Variants in PVT1 observed in about 807,000 individuals in gnomAD.
The protein encoded by PVT1 is CXCR4/PVT1 fusion.
intron 2 of PVT1, among the ~76,000 whole-genome samples, chr8:127,884,826 C>T (rs1248912820): frequency 6.6e-6 from 1 of 152,192 alleles, no homozygotes; most frequent in Non-Finnish European, 1.5e-5. Context: ...GTGCAGCCAC[C>T]TTCTTGTGAG....
chr8:127,945,962 G>C (rs2129916143), intron 3 of PVT1, among the ~76,000 whole-genome samples: 1 of 152,298 alleles, frequency 6.6e-6, no homozygotes, highest in African/African-American at 2.4e-5. Flanking sequence ...AAGGACTAAA[G>C]CTACCAGCCT....
intron 3 of PVT1, among the ~76,000 whole-genome samples, chr8:127,972,858 G>A (rs1398033885): frequency 6.6e-6 from 1 of 152,158 alleles, no homozygotes; most frequent in Non-Finnish European, 1.5e-5. Flanking sequence ...GCTCCCAGGT[G>A]ATCCTAATGT....
chr8:127,878,384 C>T (rs752335026), intron 2 of PVT1, among the ~76,000 whole-genome samples: 1 of 152,182 alleles, frequency 6.6e-6, no homozygotes, highest in Non-Finnish European at 1.5e-5. Flanking sequence ...TCTAGCCTTC[C>T]CCCAACTCTG....
At chr8:127,948,938 C>A (rs569751549) in intron 3 of PVT1, among the ~76,000 whole-genome samples, 8 of 152,340 alleles carry the variant, frequency 5.3e-5, no homozygotes, top group Non-Finnish European at 7.3e-5. Flanking sequence ...AAAAAGAAGC[C>A]TGAGAATTTC....
chr8:127,930,643 C>A (rs1302870749), intron 3 of PVT1, among the ~76,000 whole-genome samples: 1 of 152,040 alleles, frequency 6.6e-6, no homozygotes, highest in Non-Finnish European at 1.5e-5. Context: ...AATGTAGGGG[C>A]CCCAGCAGGG....
intron 5 of PVT1, among the ~76,000 whole-genome samples, chr8:128,086,353 G>A (rs960685792): frequency 2.0e-5 from 3 of 152,138 alleles, no homozygotes; most frequent in African/African-American, 7.2e-5. Flanking sequence ...GACGTTAAGT[G>A]TTCACATGGA....
chr8:127,993,302 G>A (rs946714510), intron 4 of PVT1, among the ~76,000 whole-genome samples: 6 of 152,340 alleles, frequency 3.9e-5, no homozygotes, highest in Admixed American at 2.6e-4. Context: ...CGTGATGTCT[G>A]CAATGCACTA....
chr8:128,039,066 G>A (rs1813499245), intron 4 of PVT1, among the ~76,000 whole-genome samples: 1 of 152,164 alleles, frequency 6.6e-6, no homozygotes, highest in South Asian at 2.1e-4. Flanking sequence ...TCAGCACCAG[G>A]TGCCCCTCCT....
At chr8:127,806,604 T>A (rs2129652041) in intron 2 of PVT1, among the ~76,000 whole-genome samples, 1 of 152,336 alleles carries the variant, frequency 6.6e-6, no homozygotes, top group African/African-American at 2.4e-5. Context: ...GATAAATGCA[T>A]AGAACTGTGT....
At chr8:127,951,366 G>A (rs909135711) in intron 3 of PVT1, among the ~76,000 whole-genome samples, 1 of 152,172 alleles carries the variant, frequency 6.6e-6, no homozygotes, top group Non-Finnish European at 1.5e-5. Flanking sequence ...TGTCATACCC[G>A]TGCACTAGCA....
intron 2 of PVT1, among the ~76,000 whole-genome samples, chr8:127,827,496 T>G (rs1211205061): frequency 6.6e-6 from 1 of 151,692 alleles, no homozygotes; most frequent in Non-Finnish European, 1.5e-5. Flanking sequence ...GAGGCTGGAG[T>G]TTTTGGCTTC....
At chr8:127,915,077 G>A (rs1815966270) in intron 3 of PVT1, among the ~76,000 whole-genome samples, 1 of 151,718 alleles carries the variant, frequency 6.6e-6, no homozygotes, top group Admixed American at 6.6e-5. Flanking sequence ...CACCCACCTC[G>A]GCCTCCCAAA....
intron 2 of PVT1, among the ~76,000 whole-genome samples, chr8:127,846,990 TTTTTTTTTTTTTG>T (rs1222820968): frequency 1.4e-4 from 16 of 111,478 alleles, no homozygotes; most frequent in African/African-American, 4.7e-4. Flanking sequence ...CTTTTTTTTT[TTTTTTTTTTTTTG>T]TTGTTGTTGT....
At chr8:128,030,090 G>T (rs953590193) in intron 4 of PVT1, among the ~76,000 whole-genome samples, 3 of 152,092 alleles carry the variant, frequency 2.0e-5, no homozygotes, top group Non-Finnish European at 4.4e-5. Context: ...TCCAGCTTGG[G>T]TGACAGAATG....
chr8:127,822,102 G>A (rs1563614418), intron 2 of PVT1, among the ~76,000 whole-genome samples: 1 of 152,206 alleles, frequency 6.6e-6, no homozygotes, highest in Non-Finnish European at 1.5e-5. Flanking sequence ...TCATAGAGCT[G>A]TTGTAAGGAT....
At chr8:127,984,949 TTCCTTCCTTCCTTCCTCCC>T (rs959913625) in intron 3 of PVT1, among the ~76,000 whole-genome samples, 1 of 136,034 alleles carries the variant, frequency 7.4e-6, no homozygotes, top group Non-Finnish European at 1.5e-5. Context: ...TTCTTTCCCC[TTCCTTCCTTCCTTCCTCCC>T]TCCTTCCTTC....
intron 2 of PVT1, among the ~76,000 whole-genome samples, chr8:127,876,905 C>T (rs1815411648): frequency 6.6e-6 from 1 of 152,278 alleles, no homozygotes; most frequent in Non-Finnish European, 1.5e-5. Context: ...GTTTACTTAG[C>T]GAGATGTGCC....
intron 3 of PVT1, among the ~76,000 whole-genome samples, chr8:127,906,841 T>C (rs1010206588): frequency 6.6e-6 from 1 of 152,170 alleles, no homozygotes; most frequent in Non-Finnish European, 1.5e-5. Flanking sequence ...AACCCAAAGA[T>C]GTAAATGTCA....
At chr8:128,090,586 G>T (rs1814338471) in intron 5 of PVT1, among the ~76,000 whole-genome samples, 1 of 152,164 alleles carries the variant, frequency 6.6e-6, no homozygotes. Context: ...GGGCTGAGGA[G>T]AAGTCAGAGG....
Sources: gnomAD v4.1 joint callset for allele counts (sites outside exome capture counted in the v4.1 genomes callset) on GRCh38, gnomAD v4.1.1 for gene constraint, MANE v1.5 for transcripts, NCBI Gene and HGNC (gene_info 2026-07-23, HGNC 2026-07-21) for gene names.